PARD3B: variants seen among roughly 807,000 people sequenced by gnomAD.
The protein encoded by PARD3B is partitioning defective 3 homolog B.
PARD3B carries 103 observed loss-of-function variants against 130.2 expected under a neutral mutation model. The observed-to-expected ratio is 0.79, with a 90% CI of 0.67 to 0.93. PARD3B has a LOEUF of 0.93. PARD3B is among the 40% of genes least tolerant of loss of function. The probability of loss-of-function intolerance (pLI) is 0.00; values close to 1 mark genes in which losing one functional copy is unlikely to be tolerated. For missense variants in PARD3B, 1,609 were observed against 1,499.2 expected, an observed-to-expected ratio of 1.07 and a Z score of -1.21; for synonymous variants, 583 against 553.2, an observed-to-expected ratio of 1.05 and a Z score of -0.76.
intron 10 of PARD3B, among the ~76,000 whole-genome samples, chr2:205,148,272 T>A (rs1195018688): frequency 6.6e-6 from 1 of 152,174 alleles, no homozygotes; most frequent in Non-Finnish European, 1.5e-5. Flanking sequence ...GGAAATGTCC[T>A]TTACTATTTA....
chr2:205,602,752 C>T (rs571945876), intron 22 of PARD3B, among the ~76,000 whole-genome samples: 1 of 152,112 alleles, frequency 6.6e-6, no homozygotes, highest in South Asian at 2.1e-4. Context: ...TTTGAGTCTT[C>T]TTTTCTTCTT....
intron 1 of PARD3B, among the ~76,000 whole-genome samples, chr2:204,620,033 G>C (rs1018152503): frequency 6.6e-6 from 1 of 151,936 alleles, no homozygotes; most frequent in Non-Finnish European, 1.5e-5. Context: ...ATGGAATCTC[G>C]CTCTGTCACC....
chr2:205,185,912 G>C (rs2036073270), intron 14 of PARD3B, 49 bp downstream of exon 14: 1 of 1,467,866 alleles, frequency 6.8e-7, no homozygotes, highest in African/African-American at 1.4e-5. Context: ...TTGTTTTTCT[G>C]GGAGAACACA....
intron 15 of PARD3B, among the ~76,000 whole-genome samples, chr2:205,208,681 C>T (rs1483552418): frequency 6.9e-6 from 1 of 144,666 alleles, no homozygotes; most frequent in African/African-American, 2.7e-5. Context: ...AGGACCTCTT[C>T]AAGGAGAACT....
chr2:204,851,314 G>A (rs2044698471), intron 2 of PARD3B, among the ~76,000 whole-genome samples: 1 of 152,094 alleles, frequency 6.6e-6, no homozygotes, highest in African/African-American at 2.4e-5. Context: ...GAAGGGTGTG[G>A]TAAGCAGTAA....
At chr2:204,653,563 G>C (rs1237087346) in intron 1 of PARD3B, among the ~76,000 whole-genome samples, 1 of 150,632 alleles carries the variant, frequency 6.6e-6, no homozygotes, top group Non-Finnish European at 1.5e-5. Context: ...GGCCGAGGTG[G>C]GTGGATCACC....
intron 18 of PARD3B, among the ~76,000 whole-genome samples, chr2:205,383,133 T>TAGATAGAG (rs1559039014): frequency 1.7e-5 from 2 of 115,444 alleles, no homozygotes; most frequent in African/African-American, 2.9e-5. Flanking sequence ...GATAGATAGA[T>TAGATAGAG]AGATAGATCG....
intron 16 of PARD3B, among the ~76,000 whole-genome samples, chr2:205,255,009 T>C (rs2040018012): frequency 1.3e-5 from 2 of 152,050 alleles, no homozygotes; most frequent in African/African-American, 4.8e-5. Context: ...TCCATCACCT[T>C]GTCATGACCT....
intron 1 of PARD3B, among the ~76,000 whole-genome samples, chr2:204,656,532 A>G (rs1479856723): frequency 6.6e-6 from 1 of 152,148 alleles, no homozygotes; most frequent in Non-Finnish European, 1.5e-5. Context: ...TTCCTTATAA[A>G]TTAAGAAACA....
At chr2:204,758,777 G>A (rs182042189) in intron 2 of PARD3B, among the ~76,000 whole-genome samples, 7 of 152,230 alleles carry the variant, frequency 4.6e-5, no homozygotes, top group Admixed American at 4.6e-4. Flanking sequence ...ATCAAGCGTG[G>A]CATTCTTTAT....
intron 2 of PARD3B, among the ~76,000 whole-genome samples, chr2:204,733,920 AT>A: frequency 6.6e-6 from 1 of 152,184 alleles, no homozygotes; most frequent in Admixed American, 6.5e-5. Flanking sequence ...TGTTATTGCA[AT>A]TGTAGCTTAG....
At chr2:204,900,191 T>A (rs1346813470) in intron 2 of PARD3B, among the ~76,000 whole-genome samples, 1 of 152,194 alleles carries the variant, frequency 6.6e-6, no homozygotes, top group Non-Finnish European at 1.5e-5. Context: ...TCACTTTGAA[T>A]AAATTTTCTA....
intron 22 of PARD3B, among the ~76,000 whole-genome samples, chr2:205,605,603 G>T (rs2054962770): frequency 6.6e-6 from 1 of 152,202 alleles, no homozygotes; most frequent in African/African-American, 2.4e-5. Context: ...GAATAGCAAA[G>T]ATGGCTGCCT....
chr2:205,214,546 A>G (rs2037816064), intron 15 of PARD3B, among the ~76,000 whole-genome samples: 1 of 152,096 alleles, frequency 6.6e-6, no homozygotes, highest in African/African-American at 2.4e-5. Context: ...TAAATTGAGA[A>G]TATTCCATTC....
chr2:205,064,050 C>T (rs766097399), intron 4 of PARD3B, among the ~76,000 whole-genome samples: 3 of 152,066 alleles, frequency 2.0e-5, no homozygotes, highest in Admixed American at 1.3e-4. Flanking sequence ...CTGGAGGCAA[C>T]GCATTGGGAA....
intron 18 of PARD3B, among the ~76,000 whole-genome samples, chr2:205,393,327 C>G (rs1041494653): frequency 7.9e-5 from 12 of 152,290 alleles, no homozygotes; most frequent in African/African-American, 2.9e-4. Flanking sequence ...AAGGAGCTAT[C>G]ATGCCTAGTT....
intron 9 of PARD3B, among the ~76,000 whole-genome samples, 159 bp downstream of exon 9, chr2:205,124,625 T>C (rs1404574867): frequency 6.6e-6 from 1 of 152,162 alleles, no homozygotes; most frequent in Non-Finnish European, 1.5e-5. Context: ...ACTTTAACTA[T>C]AGAACTGGTT....
At chr2:204,639,157 T>C (rs1045217590) in intron 1 of PARD3B, among the ~76,000 whole-genome samples, 3 of 152,196 alleles carry the variant, frequency 2.0e-5, no homozygotes, top group Non-Finnish European at 4.4e-5. Context: ...AAATCTTTTA[T>C]CTTGGGAGTA....
intron 20 of PARD3B, among the ~76,000 whole-genome samples, chr2:205,471,285 G>T: frequency 6.7e-6 from 1 of 149,774 alleles, no homozygotes; most frequent in Non-Finnish European, 1.5e-5. Context: ...TCTATATCTA[G>T]ATGTCTTTTC....
Sources: allele counts gnomAD v4.1 joint callset (sites outside exome capture counted in the v4.1 genomes callset), GRCh38; gene constraint gnomAD v4.1.1; transcripts MANE v1.5; gene names NCBI Gene and HGNC (gene_info 2026-07-23, HGNC 2026-07-21).